The following TMEM232 variants were observed in gnomAD, a reference collection of about 807,000 sequenced individuals.
The protein encoded by TMEM232 is transmembrane protein 232.
Under a neutral mutation model 78.8 loss-of-function variants are expected in TMEM232, and 80 were observed. The observed-to-expected ratio is 1.01, with a 90% CI of 0.85 to 1.22. The LOEUF is 1.22. Ranked by LOEUF, TMEM232 falls within the 50% of genes most tolerant of loss-of-function variation. The pLI is 0.00. For missense variants in TMEM232, 881 were observed against 742.2 expected, an observed-to-expected ratio of 1.19 and a Z score of -2.17; for synonymous variants, 297 against 254.3, an observed-to-expected ratio of 1.17 and a Z score of -1.60.
intron 12 of TMEM232, among the ~76,000 whole-genome samples, chr5:110,513,100 G>A (rs906936655): frequency 6.6e-6 from 1 of 152,144 alleles, no homozygotes; most frequent in East Asian, 1.9e-4. Context: ...CCAATGGAAA[G>A]ACAGGAAAGG....
At chr5:110,499,653 A>G (rs1247242342) in intron 12 of TMEM232, among the ~76,000 whole-genome samples, 1 of 149,870 alleles carries the variant, frequency 6.7e-6, no homozygotes, top group Non-Finnish European at 1.5e-5. Flanking sequence ...ACACATATAT[A>G]TATATATAAA....
intron 1 of TMEM232, among the ~76,000 whole-genome samples, chr5:110,717,989 A>G (rs1797192394): frequency 6.6e-6 from 1 of 152,098 alleles, no homozygotes; most frequent in South Asian, 2.1e-4. Context: ...TCAAATCTGT[A>G]TGTGTTTAAA....
downstream of TMEM232, among the ~76,000 whole-genome samples, chr5:110,414,513 T>C (rs768045043): frequency 6.6e-6 from 1 of 152,180 alleles, no homozygotes; most frequent in Non-Finnish European, 1.5e-5. Flanking sequence ...TATACCACAT[T>C]TTAACTATAA....
chr5:110,535,437 G>A (rs557029777), intron 11 of TMEM232, among the ~76,000 whole-genome samples: 4 of 152,144 alleles, frequency 2.6e-5, no homozygotes, highest in African/African-American at 7.2e-5. Flanking sequence ...GACTCAGCCC[G>A]CCTGCACCCA....
intron 1 of TMEM232, among the ~76,000 whole-genome samples, chr5:110,691,546 A>T (rs1229335259): frequency 1.3e-5 from 2 of 152,252 alleles, no homozygotes; most frequent in Non-Finnish European, 2.9e-5. Context: ...AGATGGCTTC[A>T]GGTTAGCCAT....
In TMEM232 at chr5:110,638,211, A is replaced by G; in HGVS notation, c.488T>C (p.Ile163Thr). 1 of 1,542,828 alleles carries G rather than the reference A, an allele frequency of 6.5e-7. No individual in the cohort carries two copies. The highest frequency in any genetic ancestry group is 8.7e-7 in the Non-Finnish European group (1 of 1,143,822). Reference sequence around the variant, plus strand: ...TTCAAAACATACCTTTGCTAGCTTTATTTCAACTGAATATAAATATGTTTT... The same window carrying G: ...TTCAAAACATACCTTTGCTAGCTTTGTTTCAACTGAATATAAATATGTTTT... ...SLKTYLYSVE[I>T]KLAKIGYLVF... Residue 163 changes from isoleucine (I) to threonine (T), a missense_variant, in exon 5 of 14, where the codon ATA (isoleucine) becomes ACA (threonine). Coordinates refer to ENST00000455884, the MANE Select transcript of TMEM232 (RefSeq NM_001039763.4).
intron 10 of TMEM232, among the ~76,000 whole-genome samples, chr5:110,587,691 A>ATATATGTGTG (rs1209205049): frequency 5.2e-4 from 33 of 63,122 alleles, no homozygotes; most frequent in Non-Finnish European, 7.4e-4. Flanking sequence ...ATATATATAT[A>ATATATGTGTG]TGTGTGTGTG....
chr5:110,616,349 G>A (rs552436201), intron 8 of TMEM232, among the ~76,000 whole-genome samples: 12 of 152,040 alleles, frequency 7.9e-5, no homozygotes, highest in South Asian at 2.1e-4. Flanking sequence ...GGTATTGGGA[G>A]AACTGAACAT....
chr5:110,405,092 C>G (rs1226489039), intron 2 of TMEM232, among the ~76,000 whole-genome samples: 3 of 151,862 alleles, frequency 2.0e-5, no homozygotes, highest in Non-Finnish European at 2.9e-5. Flanking sequence ...AAATTGAATC[C>G]AAAGGTGAAC....
intron 12 of TMEM232, among the ~76,000 whole-genome samples, chr5:110,468,379 T>C (rs144665770): frequency 1.2e-4 from 18 of 152,164 alleles, no homozygotes; most frequent in African/African-American, 4.1e-4. Flanking sequence ...CATGAAAATT[T>C]TGAAACTATT....
At chr5:110,414,483 CA>C (rs930688957) in intron 2 of TMEM232, among the ~76,000 whole-genome samples, 1 of 152,080 alleles carries the variant, frequency 6.6e-6, no homozygotes, top group Non-Finnish European at 1.5e-5. Flanking sequence ...ATATATGTTG[CA>C]AAGAGGCAAA....
At chr5:110,576,167 A>AT (rs1404502899) in intron 10 of TMEM232, among the ~76,000 whole-genome samples, 1 of 152,090 alleles carries the variant, frequency 6.6e-6, no homozygotes, top group African/African-American at 2.4e-5. Context: ...TCTTAAGCTG[A>AT]TTAACAACTT....
chr5:110,727,609 A>G (rs1798287641), upstream of TMEM232, among the ~76,000 whole-genome samples: 1 of 152,200 alleles, frequency 6.6e-6, no homozygotes, highest in African/African-American at 2.4e-5. Flanking sequence ...ATTCCATCTA[A>G]AGAAAAAAAA....
At chr5:110,689,814 G>C (rs1421915593) in intron 1 of TMEM232, among the ~76,000 whole-genome samples, 2 of 151,918 alleles carry the variant, frequency 1.3e-5, no homozygotes, top group African/African-American at 4.8e-5. Context: ...CAGAATAGAG[G>C]CCACAGAAAT....
chr5:110,553,413 T>C (rs1561677781), intron 11 of TMEM232, among the ~76,000 whole-genome samples: 1 of 152,180 alleles, frequency 6.6e-6, no homozygotes, highest in Non-Finnish European at 1.5e-5. Context: ...CAGCAGTCTT[T>C]TGTAATTCTT....
intron 12 of TMEM232, among the ~76,000 whole-genome samples, chr5:110,522,235 G>A (rs2149503193): frequency 6.6e-6 from 1 of 152,182 alleles, no homozygotes; most frequent in East Asian, 1.9e-4. Context: ...CACTGTTAGT[G>A]TACAGATATG....
chr5:110,594,186 C>T (rs1026211379), intron 10 of TMEM232, among the ~76,000 whole-genome samples: 2 of 151,784 alleles, frequency 1.3e-5, no homozygotes, highest in Non-Finnish European at 2.9e-5. Context: ...CATTGCCTCA[C>T]CCGGGAAGAG....
At chr5:110,566,816 C>G (rs1441432565) in intron 11 of TMEM232, among the ~76,000 whole-genome samples, 1 of 151,854 alleles carries the variant, frequency 6.6e-6, no homozygotes, top group Non-Finnish European at 1.5e-5. Flanking sequence ...AGCAGCACCC[C>G]ACTCTACCAA....
intron 10 of TMEM232, among the ~76,000 whole-genome samples, chr5:110,582,032 A>G (rs1217672293): frequency 1.3e-5 from 2 of 152,008 alleles, no homozygotes; most frequent in Non-Finnish European, 2.9e-5. Flanking sequence ...AGTTGCAGAG[A>G]AAAGGGAATG....
Sources: allele counts gnomAD v4.1 joint callset (sites outside exome capture counted in the v4.1 genomes callset), GRCh38; gene constraint gnomAD v4.1.1; transcripts MANE v1.5; gene names NCBI Gene and HGNC (gene_info 2026-07-23, HGNC 2026-07-21).